Variants in CCPG1 observed in about 807,000 individuals in gnomAD.
CCPG1 encodes cell cycle progression 1.
A neutral mutation model predicts 81.3 loss-of-function variants in CCPG1; 46 were observed. That is an observed-to-expected ratio of 0.57 (90% confidence interval 0.45 to 0.72). The LOEUF (loss-of-function observed/expected upper bound fraction) is 0.72. Ranked by LOEUF, CCPG1 falls within the 30% of genes least tolerant of loss-of-function variation. The pLI, the probability that CCPG1 is intolerant of heterozygous loss-of-function variation, is 0.00. For synonymous variants in CCPG1, 330 were observed against 305.2 expected, an observed-to-expected ratio of 1.08 and a Z score of -0.85; for missense variants, 902 against 937.6, an observed-to-expected ratio of 0.96 and a Z score of 0.50.
At chr15:55,406,101 G>C (rs1595872948) in intron 1 of CCPG1, among the ~76,000 whole-genome samples, 1 of 152,202 alleles carries the variant, frequency 6.6e-6, no homozygotes, top group East Asian at 1.9e-4. Context: ...CTGACCTCAA[G>C]TGATCCGCCT....
chr15:55,379,672 A>T (rs980801994), intron 3 of CCPG1, among the ~76,000 whole-genome samples: 7 of 152,230 alleles, frequency 4.6e-5, no homozygotes, highest in African/African-American at 1.7e-4. Flanking sequence ...TCTACCAATA[A>T]TTTTTTTTAA....
At chr15:55,389,344 A>C (rs189423776) in intron 2 of CCPG1, 21 bp downstream of exon 2, 1 of 1,510,260 alleles carries the variant, frequency 6.6e-7, no homozygotes, top group East Asian at 2.3e-5. Context: ...ATTACCTTAT[A>C]AAAAGTATTA....
chr15:55,377,125 T>G lies in CCPG1; in HGVS notation c.278A>C (p.Asp93Ala), dbSNP rs1211661259. Reference protein sequence around the residue: ...IEAEEQKIPEDSIYIGTASDD... With the variant: ...IEAEEQKIPEASIYIGTASDD... ...ACTGGCAGTTCCAATATAGATACTG[T>G]CTTCGGGTATCTTTTGTTCCTCTGC... The change falls in exon 5 of 9, where the codon GAC becomes GCC. Residue 93 changes from aspartate (D) to alanine (A), a missense_variant. Physicochemically the swap from Asp to Ala is moderately radical, Grantham distance 126 (BLOSUM62 -2). Around this residue, in one of 3 missense-constraint regions of CCPG1, gnomAD observed 746 missense variants for 728.6 expected, o/e 1.02. Transcript: ENST00000442196. 1.9e-6 allele frequency: 3 copies of G among 1,612,728 alleles called. No homozygotes were observed. The highest frequency in any genetic ancestry group is 4.5e-5 in the East Asian group (2 of 44,852).
At chr15:55,407,170 G>A (rs966058640) in intron 1 of CCPG1, among the ~76,000 whole-genome samples, 3 of 151,596 alleles carry the variant, frequency 2.0e-5, no homozygotes, top group Non-Finnish European at 4.4e-5. Context: ...AGAGGTTGCA[G>A]TGAGCCGAGA....
At chr15:55,385,357 G>A (rs575690315) in intron 3 of CCPG1, among the ~76,000 whole-genome samples, 1 of 152,246 alleles carries the variant, frequency 6.6e-6, no homozygotes, top group South Asian at 2.1e-4. Context: ...AGTAGAGACA[G>A]GGTTTCACCA....
chr15:55,394,089 A>C (rs995112758), intron 1 of CCPG1, among the ~76,000 whole-genome samples: 3 of 152,156 alleles, frequency 2.0e-5, no homozygotes, highest in Non-Finnish European at 2.9e-5. Flanking sequence ...TCCCAGGTTC[A>C]AGTAGATGCT....
chr15:55,375,313 C>A (rs185600141), intron 5 of CCPG1, among the ~76,000 whole-genome samples: 1 of 152,132 alleles, frequency 6.6e-6, no homozygotes, highest in African/African-American at 2.4e-5. Flanking sequence ...TCTTATATAT[C>A]TGACCATTCT....
At chr15:55,395,806 A>C (rs1161903023) in intron 1 of CCPG1, among the ~76,000 whole-genome samples, 1 of 152,202 alleles carries the variant, frequency 6.6e-6, no homozygotes, top group Admixed American at 6.5e-5. Flanking sequence ...TAAGCAATCA[A>C]TAAACAAGAA....
Position 55,360,532 on chromosome 15 carries a change from G to C in CCPG1, c.1241C>G (p.Ser414Cys), listed in dbSNP as rs1165454879. ...SGSQLHGKSD[S>C]PNVYTEKKEI... ...CTTTTTTTCAGTATATACATTGGGA[G>C]AATCTGACTTGCCATGTAACTGACT... is the stretch of plus-strand genomic sequence containing the variant. The change falls in exon 8 of 9, where the codon TCT (serine) becomes TGT (cysteine). Residue 414 changes from serine (S) to cysteine (C), a missense_variant. Physicochemically the swap from Ser to Cys is moderately radical, Grantham distance 112 (BLOSUM62 -1). Transcript: ENST00000442196. The C allele has an allele frequency of 6.2e-7, 1 of 1,614,034 alleles. No individual in the cohort carries two copies. Among genetic ancestry groups the C allele is most frequent in the East Asian group, 2.2e-5 (1 of 44,880 alleles).
At chr15:55,363,799 C>CAT (rs1489006435) in intron 7 of CCPG1, among the ~76,000 whole-genome samples, 2 of 93,938 alleles carry the variant, frequency 2.1e-5, no homozygotes, top group East Asian at 8.6e-4. Flanking sequence ...TTTCCTTTTC[C>CAT]TTTTTTTTTT....
At chr15:55,374,119 A>G (rs1469829167) in intron 5 of CCPG1, 1 of 1,161,682 alleles carries the variant, frequency 8.6e-7, no homozygotes, top group African/African-American at 1.6e-5. Context: ...AGGCACACTC[A>G]GCTCTAGAGA....
rs2056166969 is a variant in CCPG1, at chr15:55,360,404, C to A, written c.1369G>T (p.Asp457Tyr). ...TCTGTTCCTTGTTTTCCATTTTGAT[C>A]TTTTGCCTCAACATACAATCTTTCC... ...LWERLYVEAK[D>Y]QNGKQGTDGK... Residue 457 changes from aspartate (D) to tyrosine (Y), a missense_variant, in exon 8 of 9, where the codon GAT becomes TAT. This residue lies in a region of CCPG1 where 746 missense variants were observed against 728.6 expected (regional missense o/e 1.02). Transcript: ENST00000442196. The A allele has an allele frequency of 1.2e-6, 2 of 1,613,604 alleles. No homozygotes were observed. The highest frequency in any genetic ancestry group is 1.1e-5 in the South Asian group (1 of 91,074).
At chr15:55,356,855 A>C (rs1466636002) in intron 8 of CCPG1, 12 of 986,782 alleles carry the variant, frequency 1.2e-5, no homozygotes, top group Non-Finnish European at 1.4e-5. Context: ...CTTAATGTCT[A>C]TGATCAGGCT....
At chr15:55,377,180 G>C (rs1395068182) in intron 4 of CCPG1, 30 bp from the exon 5 acceptor site, 1 of 1,490,138 alleles carries the variant, frequency 6.7e-7, no homozygotes, top group Non-Finnish European at 9.3e-7. Context: ...GAGATGGTAA[G>C]TTCAACAATC....
At chr15:55,375,676 C>G (rs898089544) in intron 5 of CCPG1, among the ~76,000 whole-genome samples, 2 of 151,234 alleles carry the variant, frequency 1.3e-5, no homozygotes, top group African/African-American at 2.4e-5. Context: ...ATGAGATAGC[C>G]AAGAATCTCT....
chr15:55,355,250 T>C lies in CCPG1; in HGVS notation c.*970A>G, dbSNP rs1371333549. 6.5e-7 allele frequency: 1 copy of C among 1,542,478 alleles called. No individual in the cohort carries two copies. Among genetic ancestry groups the C allele is most frequent in the Admixed American group, 1.8e-5 (1 of 54,878 alleles). ...GACTGAAACAGTACTCAGCAAAATG[T>C]AGCCTTTATTTACTTAAACATTTAT... On this transcript the variant is annotated 3_prime_UTR_variant, in exon 9 of 9. Transcript: ENST00000442196.
At chr15:55,376,233 C>A (rs114071322) in intron 5 of CCPG1, among the ~76,000 whole-genome samples, 1,886 of 152,244 alleles carry the variant, frequency 0.012, 51 homozygotes, top group African/African-American at 0.044. Context: ...ACTGATATAT[C>A]CAGGAACTTT....
At chr15:55,395,892 A>C (rs1386625230) in intron 1 of CCPG1, among the ~76,000 whole-genome samples, 4 of 152,148 alleles carry the variant, frequency 2.6e-5, no homozygotes, top group Admixed American at 2.6e-4. Flanking sequence ...GCGGTGGCTC[A>C]CACCTGTAAT....
intron 1 of CCPG1, among the ~76,000 whole-genome samples, chr15:55,400,664 T>C (rs1238189763): frequency 6.6e-6 from 1 of 152,218 alleles, no homozygotes; most frequent in Non-Finnish European, 1.5e-5. Flanking sequence ...AGTACCTATT[T>C]CTCCACAATC....
Sources: gnomAD v4.1 joint callset for allele counts (sites outside exome capture counted in the v4.1 genomes callset) on GRCh38, gnomAD v4.1.1 for gene constraint, gnomAD v4.1.1 regional missense constraint, MANE v1.5 for transcripts, NCBI Gene and HGNC (gene_info 2026-07-23, HGNC 2026-07-21) for gene names.